The following RPS6KC1 variants were observed in gnomAD, a reference collection of about 807,000 sequenced individuals.
RPS6KC1 encodes the protein ribosomal protein S6 kinase C1.
Under a neutral mutation model 103.8 loss-of-function variants are expected in RPS6KC1, and 54 were observed. That is an observed-to-expected ratio of 0.52 (90% CI 0.42 to 0.65). The LOEUF is 0.65. RPS6KC1 is among the 30% of genes least tolerant of loss of function. The pLI is 0.00. For missense variants in RPS6KC1, 1,151 were observed against 1,253.8 expected (o/e 0.92, Z 1.24); for synonymous variants, 439 against 438.7 (o/e 1.00, Z -0.01).
chr1:213,244,909 G>A (rs2094430030), intron 12 of RPS6KC1, among the ~76,000 whole-genome samples: 1 of 152,160 alleles, frequency 6.6e-6, no homozygotes, highest in African/African-American at 2.4e-5. Flanking sequence ...TCCAAGCTTT[G>A]TGAGTTGCAA....
chr1:213,737,056 C>T, the RPS6KC1 span, among the ~76,000 whole-genome samples: 345 of 152,302 alleles, frequency 2.3e-3, 3 homozygotes, highest in Non-Finnish European at 4.1e-3. Context: ...CTTGCTCATA[C>T]GTGGTGCATT....
chr1:213,635,847 A>G, the RPS6KC1 span, among the ~76,000 whole-genome samples: 11 of 152,120 alleles, frequency 7.2e-5, no homozygotes, highest in African/African-American at 2.7e-4. Flanking sequence ...TTGCAGATGA[A>G]ATGATTGTAT....
chr1:213,716,699 T>C, the RPS6KC1 span, among the ~76,000 whole-genome samples: 1 of 152,132 alleles, frequency 6.6e-6, no homozygotes, highest in African/African-American at 2.4e-5. Context: ...TTAATTTGGG[T>C]ATATATATAG....
At chr1:213,810,357 G>C in the RPS6KC1 span, among the ~76,000 whole-genome samples, 1 of 152,338 alleles carries the variant, frequency 6.6e-6, no homozygotes, top group Non-Finnish European at 1.5e-5. Flanking sequence ...GTAGGGTGGG[G>C]AGAGAAGTGT....
intron 8 of RPS6KC1, among the ~76,000 whole-genome samples, chr1:213,201,412 G>A (rs904585574): frequency 6.6e-6 from 1 of 152,208 alleles, no homozygotes; most frequent in African/African-American, 2.4e-5. Context: ...GCAAACCCAT[G>A]GAGACAGTAA....
chr1:213,625,124 C>T, the RPS6KC1 span, among the ~76,000 whole-genome samples: 1 of 151,980 alleles, frequency 6.6e-6, no homozygotes, highest in South Asian at 2.1e-4. Context: ...CCCGCCTTGG[C>T]CTCCCAAAGT....
the RPS6KC1 span, among the ~76,000 whole-genome samples, chr1:213,463,738 T>A: frequency 6.6e-6 from 1 of 152,148 alleles, no homozygotes; most frequent in Non-Finnish European, 1.5e-5. Flanking sequence ...TTCAGGTCCC[T>A]CCTCTCTGAA....
the RPS6KC1 span, among the ~76,000 whole-genome samples, chr1:213,860,161 G>A: frequency 5.5e-4 from 83 of 150,818 alleles, no homozygotes; most frequent in African/African-American, 1.8e-3. Context: ...ATATATAGGT[G>A]TATGTATATA....
intron 5 of RPS6KC1, among the ~76,000 whole-genome samples, chr1:213,129,199 A>T (rs2085318340): frequency 6.6e-6 from 1 of 152,216 alleles, no homozygotes; most frequent in South Asian, 2.1e-4. Flanking sequence ...GCTATTATTT[A>T]TAGCAACTAT....
At chr1:213,606,100 C>A in the RPS6KC1 span, among the ~76,000 whole-genome samples, 37 of 152,266 alleles carry the variant, frequency 2.4e-4, no homozygotes, top group Middle Eastern at 3.4e-3. Context: ...GACATAGTTT[C>A]TGAAAATTAA....
chr1:213,474,393 G>A, the RPS6KC1 span, among the ~76,000 whole-genome samples: 1 of 152,138 alleles, frequency 6.6e-6, no homozygotes, highest in African/African-American at 2.4e-5. Context: ...TTATAGGAGT[G>A]GAGAGAGGGA....
At chr1:213,538,547 G>A in the RPS6KC1 span, among the ~76,000 whole-genome samples, 2,324 of 152,266 alleles carry the variant, frequency 0.015, 59 homozygotes, top group African/African-American at 0.052. Context: ...TTTCACAGAA[G>A]TGGTAGGACT....
At chr1:213,631,445 A>G in the RPS6KC1 span, among the ~76,000 whole-genome samples, 1 of 151,636 alleles carries the variant, frequency 6.6e-6, no homozygotes, top group African/African-American at 2.4e-5. Flanking sequence ...GTGAGTAGGT[A>G]TATTTTCTTG....
At chr1:213,457,912 C>T in the RPS6KC1 span, among the ~76,000 whole-genome samples, 1 of 152,206 alleles carries the variant, frequency 6.6e-6, no homozygotes. Flanking sequence ...TGTCTTGTGA[C>T]TTTTCAACTT....
At chr1:213,405,846 G>A in the RPS6KC1 span, among the ~76,000 whole-genome samples, 3 of 152,176 alleles carry the variant, frequency 2.0e-5, no homozygotes, top group Non-Finnish European at 4.4e-5. Context: ...GCCATAAGTA[G>A]GTGGGAGTAT....
the RPS6KC1 span, among the ~76,000 whole-genome samples, chr1:213,553,529 T>C: frequency 1.3e-5 from 2 of 152,198 alleles, no homozygotes; most frequent in Non-Finnish European, 2.9e-5. Flanking sequence ...TGCCCAGTAA[T>C]GGTATTGCTG....
chr1:213,533,125 C>T, the RPS6KC1 span, among the ~76,000 whole-genome samples: 2,285 of 152,186 alleles, frequency 0.015, 27 homozygotes, highest in South Asian at 0.032. Context: ...AATTAGGAAA[C>T]GGTGGCAACA....
At chr1:213,621,432 G>T in the RPS6KC1 span, among the ~76,000 whole-genome samples, 4 of 151,068 alleles carry the variant, frequency 2.6e-5, no homozygotes, top group Non-Finnish European at 4.4e-5. Flanking sequence ...GGGGTGGGTT[G>T]GGGATGGCTA....
chr1:213,535,990 G>A, the RPS6KC1 span, among the ~76,000 whole-genome samples: 16 of 152,162 alleles, frequency 1.1e-4, no homozygotes, highest in Admixed American at 1.0e-3. Context: ...GCCTGGAAGA[G>A]GAGGGAAATG....
Sources: allele counts gnomAD v4.1 joint callset (sites outside exome capture counted in the v4.1 genomes callset), GRCh38; gene constraint gnomAD v4.1.1; transcripts MANE v1.5; gene names NCBI Gene and HGNC (gene_info 2026-07-23, HGNC 2026-07-21).